CD2AP: variants seen among roughly 807,000 people sequenced by gnomAD.
CD2AP encodes CD2-associated protein.
Under a neutral mutation model 85.1 loss-of-function variants are expected in CD2AP, and 46 were observed. That is an observed-to-expected ratio of 0.54 (90% confidence interval 0.43 to 0.69). The LOEUF (loss-of-function observed/expected upper bound fraction) is 0.69, where lower values mean the gene tolerates loss of function less well. Among genes scored for constraint, CD2AP ranks in the 30% least tolerant of loss-of-function variants. The pLI is 0.00. For synonymous variants in CD2AP, 255 were observed against 252.9 expected (o/e 1.01, Z -0.08); for missense variants, 769 against 729.5 (o/e 1.05, Z -0.62).
At chr6:47,505,886 G>T (rs1449820425) in intron 2 of CD2AP, among the ~76,000 whole-genome samples, 3 of 118,004 alleles carry the variant, frequency 2.5e-5, no homozygotes, top group African/African-American at 1.0e-4. Flanking sequence ...GGGGCGGCTG[G>T]CCGGGCGGGG....
intron 1 of CD2AP, among the ~76,000 whole-genome samples, chr6:47,488,572 A>G (rs929888798): frequency 6.6e-6 from 1 of 152,118 alleles, no homozygotes; most frequent in African/African-American, 2.4e-5. Flanking sequence ...CATCTGATGT[A>G]TATTTTACAT....
At chr6:47,598,233 C>A (rs1769002301) in intron 12 of CD2AP, among the ~76,000 whole-genome samples, 1 of 150,534 alleles carries the variant, frequency 6.6e-6, no homozygotes, top group African/African-American at 2.4e-5. Context: ...GGCCATAAAT[C>A]AAAAAATCAA....
intron 2 of CD2AP, among the ~76,000 whole-genome samples, chr6:47,507,492 C>T (rs577717595): frequency 1.3e-5 from 2 of 149,122 alleles, no homozygotes; most frequent in East Asian, 2.1e-4. Flanking sequence ...TTTAGTGGGG[C>T]GATCTTGGCT....
intron 14 of CD2AP, 118 bp downstream of exon 14, chr6:47,606,395 C>A (rs1255197711): frequency 1.1e-5 from 8 of 706,808 alleles, no homozygotes; most frequent in Non-Finnish European, 2.1e-5. Flanking sequence ...CTCTTATACT[C>A]AAGTGGCAAA....
chr6:47,594,536 T>C (rs1768887329), intron 11 of CD2AP, among the ~76,000 whole-genome samples: 1 of 152,056 alleles, frequency 6.6e-6, no homozygotes, highest in African/African-American at 2.4e-5. Flanking sequence ...CCTTTGACCA[T>C]TTTTCTTGGT....
chr6:47,502,206 G>A (rs1461891919), intron 1 of CD2AP, among the ~76,000 whole-genome samples: 1 of 152,194 alleles, frequency 6.6e-6, no homozygotes, highest in Non-Finnish European at 1.5e-5. Context: ...TTGGCTTACA[G>A]CATAGCAGCT....
At chr6:47,562,668 C>A in intron 5 of CD2AP, 1 of 561,664 alleles carries the variant, frequency 1.8e-6, no homozygotes, top group Non-Finnish European at 3.3e-6. Flanking sequence ...AATACTGCCA[C>A]TGCTTTATGG....
chr6:47,559,040 G>C (rs1767773101), intron 5 of CD2AP, among the ~76,000 whole-genome samples: 2 of 151,972 alleles, frequency 1.3e-5, no homozygotes, highest in South Asian at 4.2e-4. Context: ...GCTTCTTCCT[G>C]TTTTAGTCTT....
intron 5 of CD2AP, chr6:47,562,737 C>A: frequency 1.2e-6 from 1 of 808,142 alleles, no homozygotes; most frequent in East Asian, 2.4e-5. Flanking sequence ...GTGAAGCTGG[C>A]CAAGCCTTAG....
intron 4 of CD2AP, among the ~76,000 whole-genome samples, chr6:47,553,513 A>ATTTTTTTTTTTTT (rs148273065): frequency 3.1e-4 from 34 of 110,512 alleles, no homozygotes; most frequent in East Asian, 1.3e-3. Flanking sequence ...CACCTAGTGA[A>ATTTTTTTTTTTTT]TTTTTTTTTT....
At chr6:47,562,577 G>T in intron 5 of CD2AP, 1 of 351,978 alleles carries the variant, frequency 2.8e-6, no homozygotes, top group Non-Finnish European at 5.2e-6. Context: ...GCAAAAGCTT[G>T]GATGTGTTGA....
At chr6:47,621,399 G>A (rs1464329491) in intron 17 of CD2AP, among the ~76,000 whole-genome samples, 1 of 152,172 alleles carries the variant, frequency 6.6e-6, no homozygotes, top group African/African-American at 2.4e-5. Context: ...AAACCCACTT[G>A]ATCATGGTGG....
Position 47,536,516 on chromosome 6 carries a change from T to C in CD2AP, c.319+2761T>C, listed in dbSNP as rs1767050195. Reference sequence around the variant, plus strand: ...GGAGAGGTTCAAATAAGTATAATGATGTTGAGTATCCAAAAACTGGATTGG... The same window carrying C: ...GGAGAGGTTCAAATAAGTATAATGACGTTGAGTATCCAAAAACTGGATTGG... On this transcript the variant is annotated intron_variant, in intron 3 of 17. Transcript: ENST00000359314. Among the ~76,000 whole-genome samples the C allele has an allele frequency of 2.0e-5, 3 of 152,294 alleles. No individual in the cohort carries two copies. The South Asian group carries it at 6.2e-4, about 32-fold the overall frequency.
At chr6:47,521,364 C>T (rs1160094828) in intron 2 of CD2AP, among the ~76,000 whole-genome samples, 3 of 152,206 alleles carry the variant, frequency 2.0e-5, no homozygotes, top group Non-Finnish European at 2.9e-5. Context: ...CCAGCTTTGC[C>T]AACATGGTGA....
intron 17 of CD2AP, among the ~76,000 whole-genome samples, chr6:47,620,901 G>T (rs564452837): frequency 1.3e-5 from 2 of 152,152 alleles, no homozygotes; most frequent in African/African-American, 4.8e-5. Context: ...TCTTATACCC[G>T]AAACTTCGCT....
At chr6:47,611,298 AT>A (rs1769432380) in intron 16 of CD2AP, among the ~76,000 whole-genome samples, 2 of 151,604 alleles carry the variant, frequency 1.3e-5, no homozygotes, top group African/African-American at 4.8e-5. Context: ...AAAATATATT[AT>A]TTTAAGAATG....
At chr6:47,483,142 A>T (rs771345940) in intron 1 of CD2AP, among the ~76,000 whole-genome samples, 3 of 152,234 alleles carry the variant, frequency 2.0e-5, no homozygotes, top group Non-Finnish European at 4.4e-5. Flanking sequence ...TAGTTGTAGC[A>T]TTTGATATCT....
intron 13 of CD2AP, among the ~76,000 whole-genome samples, chr6:47,604,060 TA>T (rs2114143086): frequency 6.6e-6 from 1 of 152,228 alleles, no homozygotes; most frequent in African/African-American, 2.4e-5. Flanking sequence ...TTGGCAACCA[TA>T]AAAATCAGTT....
At chr6:47,566,726 GTT>G (rs1173696995) in intron 5 of CD2AP, among the ~76,000 whole-genome samples, 1 of 152,060 alleles carries the variant, frequency 6.6e-6, no homozygotes, top group Non-Finnish European at 1.5e-5. Flanking sequence ...TTGGTTTTCT[GTT>G]CCTGTGTTAG....
Sources: gnomAD v4.1 joint callset for allele counts (sites outside exome capture counted in the v4.1 genomes callset) on GRCh38, gnomAD v4.1.1 for gene constraint, MANE v1.5 for transcripts, NCBI Gene and HGNC (gene_info 2026-07-23, HGNC 2026-07-21) for gene names.